SORCS2: variants seen among roughly 807,000 people sequenced by gnomAD.
The protein encoded by SORCS2 is sortilin related VPS10 domain containing receptor 2.
A neutral mutation model predicts 141.6 loss-of-function variants in SORCS2; 100 were observed. The observed-to-expected ratio is 0.71, with a 90% confidence interval of 0.60 to 0.83. The LOEUF (loss-of-function observed/expected upper bound fraction) is 0.83, where lower values mean the gene tolerates loss of function less well. Ranked by LOEUF, SORCS2 falls within the 40% of genes least tolerant of loss-of-function variation. SORCS2 has a pLI of 0.00. For missense variants in SORCS2, 1,646 were observed against 1,560.2 expected, an observed-to-expected ratio of 1.05 and a Z score of -0.93; for synonymous variants, 789 against 676.9, an observed-to-expected ratio of 1.17 and a Z score of -2.57.
At chr4:7,560,343 G>A (rs1714447306) in intron 3 of SORCS2, among the ~76,000 whole-genome samples, 1 of 152,132 alleles carries the variant, frequency 6.6e-6, no homozygotes, top group African/African-American at 2.4e-5. Flanking sequence ...TTTTCACCTG[G>A]AAGGTCATTT....
chr4:7,661,325 C>G (rs1223605161), intron 5 of SORCS2, among the ~76,000 whole-genome samples, 175 bp from the exon 6 acceptor site: 1 of 144,462 alleles, frequency 6.9e-6, no homozygotes, highest in African/African-American at 2.6e-5. Context: ...AACGCAGAGA[C>G]TCCAAGCACC....
chr4:7,542,248 T>C (rs55881020), intron 3 of SORCS2, among the ~76,000 whole-genome samples: 24,046 of 152,254 alleles, frequency 0.16, 1,955 homozygotes, highest in African/African-American at 0.2. Context: ...TGGGGCTGCA[T>C]GCAGTGCTTT....
intron 3 of SORCS2, among the ~76,000 whole-genome samples, chr4:7,587,070 C>T (rs1461485886): frequency 2.0e-5 from 3 of 151,978 alleles, no homozygotes; most frequent in Non-Finnish European, 4.4e-5. Context: ...CGGGGCTGCC[C>T]TGGGAGGTAG....
chr4:7,294,432 G>C (rs1294958579), intron 1 of SORCS2, among the ~76,000 whole-genome samples: 1 of 152,016 alleles, frequency 6.6e-6, no homozygotes, highest in Non-Finnish European at 1.5e-5. Flanking sequence ...GACCTTCTGG[G>C]AACTGCGGCC....
chr4:7,317,762 C>T (rs572392648), intron 1 of SORCS2, among the ~76,000 whole-genome samples: 1 of 152,190 alleles, frequency 6.6e-6, no homozygotes, highest in African/African-American at 2.4e-5. Flanking sequence ...TTCCAGGCTC[C>T]CAGAAGTACC....
intron 3 of SORCS2, among the ~76,000 whole-genome samples, chr4:7,594,554 C>A (rs1030984378): frequency 6.6e-6 from 1 of 152,182 alleles, no homozygotes; most frequent in African/African-American, 2.4e-5. Context: ...CCACAGCAAA[C>A]AGACCTGCCC....
At chr4:7,369,476 G>T (rs1213469875) in intron 1 of SORCS2, among the ~76,000 whole-genome samples, 1 of 152,212 alleles carries the variant, frequency 6.6e-6, no homozygotes, top group Non-Finnish European at 1.5e-5. Context: ...CAGCCCCATT[G>T]CATGGATGAG....
chr4:7,364,576 G>A (rs977011909), intron 1 of SORCS2, among the ~76,000 whole-genome samples: 1 of 152,136 alleles, frequency 6.6e-6, no homozygotes, highest in Non-Finnish European at 1.5e-5. Flanking sequence ...CATGGGTCAG[G>A]ATGAGGTAAA....
intron 2 of SORCS2, among the ~76,000 whole-genome samples, chr4:7,516,840 C>T (rs1331707993): frequency 6.6e-6 from 1 of 152,212 alleles, no homozygotes; most frequent in African/African-American, 2.4e-5. Flanking sequence ...AGTCTCCTCC[C>T]TCATCATCCC....
rs899809555 is a variant in SORCS2, at chr4:7,192,889, C to T, written c.243C>T (p.Gly81=). ...CGGGGCGCGCGGAGCCCGGTGGCGG[C>T]GAGGACCGGCAGGCGCGCGGCACGG... ...PPAGRAEPGG[G]EDRQARGTEP... The change falls in exon 1 of 27, where the codon GGC becomes GGT. Residue 81 remains glycine, a synonymous_variant. Coordinates refer to ENST00000507866, the MANE Select transcript of SORCS2 (RefSeq NM_020777.3). The surrounding 1 kb of genome is among the most constrained non-coding windows in gnomAD (Gnocchi z 4.0). 2 of 1,128,136 alleles carry T rather than the reference C, an allele frequency of 1.8e-6. No homozygotes were observed. Among genetic ancestry groups the T allele is most frequent in the South Asian group, 4.2e-5 (1 of 23,766 alleles). The allele number at this position is 1,128,136 out of a possible 1,614,324, so 69.9% of individuals were successfully genotyped here. A position where few individuals can be genotyped will look rare whatever the true frequency, so the allele number is the denominator to read the frequency against.
intron 5 of SORCS2, among the ~76,000 whole-genome samples, chr4:7,660,587 G>C (rs1055897911): frequency 6.6e-6 from 1 of 152,220 alleles, no homozygotes; most frequent in African/African-American, 2.4e-5. Flanking sequence ...AGGGCAGTGT[G>C]TGCGGTCTGA....
chr4:7,557,264 G>C (rs995403330), intron 3 of SORCS2, among the ~76,000 whole-genome samples: 1 of 152,142 alleles, frequency 6.6e-6, no homozygotes, highest in African/African-American at 2.4e-5. Context: ...TCATTACCCA[G>C]TTGGGTGGAG....
intron 1 of SORCS2, among the ~76,000 whole-genome samples, chr4:7,206,974 C>T (rs10937791): frequency 0.31 from 46,523 of 151,816 alleles, 7,461 homozygotes; most frequent in South Asian, 0.45. Flanking sequence ...GGCTTTCTGA[C>T]GGAAATGACT....
At chr4:7,323,250 A>T (rs17756640) in intron 1 of SORCS2, among the ~76,000 whole-genome samples, 32,435 of 152,238 alleles carry the variant, frequency 0.21, 3,897 homozygotes, top group Non-Finnish European at 0.28. Flanking sequence ...TGAATGTAAG[A>T]TGAGGAGCAT....
intron 5 of SORCS2, among the ~76,000 whole-genome samples, chr4:7,656,141 G>C (rs144511314): frequency 6.6e-6 from 1 of 152,186 alleles, no homozygotes; most frequent in Non-Finnish European, 1.5e-5. Flanking sequence ...AACTGACAGC[G>C]GGAATTGCCA....
chr4:7,523,633 C>A (rs1241638375), intron 2 of SORCS2, among the ~76,000 whole-genome samples: 1 of 152,122 alleles, frequency 6.6e-6, no homozygotes, highest in Non-Finnish European at 1.5e-5. Context: ...TGAGCCGGGG[C>A]AGCAACTGAA....
chr4:7,736,080 C>A (rs554093456), intron 25 of SORCS2, among the ~76,000 whole-genome samples: 1 of 152,268 alleles, frequency 6.6e-6, no homozygotes, highest in Non-Finnish European at 1.5e-5. Flanking sequence ...AGCAGAGCAA[C>A]GCCCGTTTGT....
At chr4:7,588,405 A>G (rs1451772537) in intron 3 of SORCS2, among the ~76,000 whole-genome samples, 1 of 152,106 alleles carries the variant, frequency 6.6e-6, no homozygotes. Context: ...GGAAATCCCT[A>G]CATTTCTCCT....
chr4:7,196,692 A>G (rs896784640), intron 1 of SORCS2, among the ~76,000 whole-genome samples: 3 of 141,896 alleles, frequency 2.1e-5, no homozygotes, highest in African/African-American at 7.9e-5. Flanking sequence ...TGCTGCGCCT[A>G]CATGGTTAGT....
Sources: gnomAD v4.1 joint callset for allele counts (sites outside exome capture counted in the v4.1 genomes callset) on GRCh38, gnomAD v4.1.1 for gene constraint, Gnocchi (gnomAD v3.1) non-coding constraint, MANE v1.5 for transcripts, NCBI Gene and HGNC (gene_info 2026-07-23, HGNC 2026-07-21) for gene names.